DPP10: variants seen among roughly 807,000 people sequenced by gnomAD.
DPP10 encodes dipeptidyl peptidase like 10, also known as inactive dipeptidyl peptidase 10.
DPP10 carries 33 observed loss-of-function variants against 120.9 expected under a neutral mutation model. That is an observed-to-expected ratio of 0.27 (90% CI 0.21 to 0.37). DPP10 has a LOEUF of 0.37. DPP10 is among the 10% of genes least tolerant of loss of function. DPP10 has a pLI of 1.00. For missense variants in DPP10, 816 were observed against 942.8 expected, an observed-to-expected ratio of 0.87 and a Z score of 1.76; for synonymous variants, 337 against 326.1, an observed-to-expected ratio of 1.03 and a Z score of -0.36.
chr2:114,647,901 A>G (rs974746275), intron 1 of DPP10, among the ~76,000 whole-genome samples: 1 of 151,958 alleles, frequency 6.6e-6, no homozygotes, highest in East Asian at 1.9e-4. Context: ...CCTGTCTGCT[A>G]TCTCCTGTTC....
chr2:115,582,604 T>C (rs542034092), intron 5 of DPP10, among the ~76,000 whole-genome samples: 12 of 152,212 alleles, frequency 7.9e-5, no homozygotes, highest in Non-Finnish European at 1.5e-4. Flanking sequence ...AACAGAGGTA[T>C]TCAGTTCCGT....
intron 1 of DPP10, among the ~76,000 whole-genome samples, chr2:115,030,667 G>A (rs752687152): frequency 6.6e-6 from 1 of 152,072 alleles, no homozygotes; most frequent in Non-Finnish European, 1.5e-5. Flanking sequence ...GCCCCAATGT[G>A]TGTTGTTCCC....
intron 1 of DPP10, among the ~76,000 whole-genome samples, chr2:114,763,711 A>G (rs552720074): frequency 3.5e-4 from 53 of 152,326 alleles, no homozygotes; most frequent in Middle Eastern, 3.4e-3. Context: ...TATAATGCAC[A>G]TATCCCAGTA....
intron 1 of DPP10, among the ~76,000 whole-genome samples, chr2:114,931,261 G>A (rs11123261): frequency 6.6e-6 from 1 of 151,940 alleles, no homozygotes; most frequent in African/African-American, 2.4e-5. Context: ...TAAGGAAAGG[G>A]GTTTTGTATG....
Position 115,166,637 on chromosome 2 carries a change from A to G in DPP10, c.61-142602A>G, listed in dbSNP as rs1424804451. 9.4e-5 allele frequency among the ~76,000 whole-genome samples: 13 copies of G among 138,416 alleles called. No homozygotes were observed. The East Asian group carries it at 2.3e-3, about 25-fold the overall frequency. The allele number at this position is 138,416 out of a possible 152,430, so 90.8% of individuals were successfully genotyped here. On this transcript the variant is annotated intron_variant, in intron 1 of 25. Coordinates refer to ENST00000410059, the MANE Select transcript of DPP10 (RefSeq NM_020868.6). The stretch of plus-strand genomic sequence containing the variant: ...ATACAACAAATATCTCTTGCTTAGA[A>G]TCTTCTAATATATCTATATATCTGT...
chr2:115,079,530 C>G (rs1708092351), intron 1 of DPP10, among the ~76,000 whole-genome samples: 1 of 152,088 alleles, frequency 6.6e-6, no homozygotes, highest in African/African-American at 2.4e-5. Flanking sequence ...GGTGGCATCA[C>G]TTTCTCAGGG....
At chr2:114,926,135 T>C (rs1420068310) in intron 1 of DPP10, among the ~76,000 whole-genome samples, 1 of 152,218 alleles carries the variant, frequency 6.6e-6, no homozygotes, top group Non-Finnish European at 1.5e-5. Flanking sequence ...ACTTCTCAGA[T>C]GTGATGCTTG....
In DPP10 at chr2:115,286,526, A is replaced by ATATATATATATATATATATATATAT. The variant is rs10675008; in HGVS notation, c.61-22713_61-22712insTATATATATATATATATATATATAT. On this transcript the variant is annotated intron_variant, in intron 1 of 25. Transcript: ENST00000410059. ...TATTACATATATAATATATATATAT[A>ATATATATATATATATATATATATAT]ATATATATATATATAAAATATATAC... is the stretch of plus-strand genomic sequence containing the variant. Among the ~76,000 whole-genome samples, 222 of 60,840 alleles carry ATATATATATATATATATATATATAT rather than the reference A, an allele frequency of 3.6e-3. 18 individuals carry two copies. Among genetic ancestry groups the ATATATATATATATATATATATATAT allele is most frequent in the Non-Finnish European group, 5.4e-3 (161 of 30,074 alleles). The allele number at this position is 60,840 out of a possible 152,430, so 39.9% of individuals were successfully genotyped here.
chr2:114,807,874 G>A (rs1270388496), intron 1 of DPP10, among the ~76,000 whole-genome samples: 2 of 152,120 alleles, frequency 1.3e-5, no homozygotes, highest in Non-Finnish European at 2.9e-5. Context: ...AGATGTCTGG[G>A]GACTAGAATT....
intron 1 of DPP10, among the ~76,000 whole-genome samples, chr2:114,920,041 A>G (rs1695087672): frequency 6.6e-6 from 1 of 152,220 alleles, no homozygotes; most frequent in Admixed American, 6.5e-5. Flanking sequence ...CATTAATTTT[A>G]TAATATTTTA....
At chr2:115,460,875 T>C (rs2073946141) in intron 3 of DPP10, among the ~76,000 whole-genome samples, 1 of 152,226 alleles carries the variant, frequency 6.6e-6, no homozygotes, top group African/African-American at 2.4e-5. Context: ...TGGCAAAGTC[T>C]ATTTTGTATA....
intron 1 of DPP10, among the ~76,000 whole-genome samples, chr2:114,443,117 A>G (rs987628991): frequency 2.0e-5 from 3 of 152,070 alleles, no homozygotes; most frequent in Non-Finnish European, 2.9e-5. Context: ...GAGTGTCTAG[A>G]AGAGTTTCCA....
At chr2:115,369,231 C>G (rs961851807) in intron 3 of DPP10, among the ~76,000 whole-genome samples, 5 of 151,980 alleles carry the variant, frequency 3.3e-5, no homozygotes, top group Admixed American at 6.6e-5. Context: ...AAATCAATAA[C>G]ACACACTGGT....
intron 1 of DPP10, among the ~76,000 whole-genome samples, chr2:115,067,249 GTTTGTT>G (rs1399996316): frequency 2.6e-5 from 4 of 151,502 alleles, no homozygotes; most frequent in East Asian, 2.0e-4. Flanking sequence ...TTTTTTGTTT[GTTTGTT>G]TTTGTTTTTG....
intron 1 of DPP10, among the ~76,000 whole-genome samples, chr2:115,286,158 T>C (rs1229965241): frequency 2.0e-5 from 3 of 151,558 alleles, no homozygotes; most frequent in Admixed American, 1.3e-4. Flanking sequence ...GAAAGAGTTA[T>C]TATGCATCCT....
intron 1 of DPP10, among the ~76,000 whole-genome samples, chr2:114,886,435 T>C (rs1244127012): frequency 6.6e-6 from 1 of 152,188 alleles, no homozygotes; most frequent in Non-Finnish European, 1.5e-5. Flanking sequence ...TTTTTATCGA[T>C]ATGATGATAT....
chr2:114,624,456 A>T (rs2105345193), intron 1 of DPP10, among the ~76,000 whole-genome samples: 1 of 152,148 alleles, frequency 6.6e-6, no homozygotes, highest in East Asian at 1.9e-4. Flanking sequence ...GAATATTATC[A>T]TGTGAATATA....
chr2:114,815,571 AATAGGAGCAATT>A (rs1415208127), intron 1 of DPP10, among the ~76,000 whole-genome samples: 2 of 152,234 alleles, frequency 1.3e-5, no homozygotes, highest in African/African-American at 4.8e-5. Flanking sequence ...GGACAAAATT[AATAGGAGCAATT>A]ATAGGAGCAT....
intron 1 of DPP10, among the ~76,000 whole-genome samples, chr2:115,228,370 A>G (rs932187399): frequency 1.2e-4 from 19 of 152,124 alleles, no homozygotes; most frequent in African/African-American, 4.3e-4. Context: ...CTATAAAATT[A>G]TACTCTTTTA....
Sources: allele counts gnomAD v4.1 joint callset (sites outside exome capture counted in the v4.1 genomes callset), GRCh38; gene constraint gnomAD v4.1.1; transcripts MANE v1.5; gene names NCBI Gene and HGNC (gene_info 2026-07-23, HGNC 2026-07-21).